The following PRRC2C variants were observed in gnomAD, a reference collection of about 807,000 sequenced individuals.
The protein encoded by PRRC2C is protein PRRC2C.
A neutral mutation model predicts 317.2 loss-of-function variants in PRRC2C; 72 were observed. That is an observed-to-expected ratio of 0.23 (90% CI 0.19 to 0.28). The LOEUF (loss-of-function observed/expected upper bound fraction) is 0.28. Among genes scored for constraint, PRRC2C ranks in the 10% least tolerant of loss-of-function variants. PRRC2C has a pLI of 1.00. For synonymous variants in PRRC2C, 1,296 were observed against 1,205.9 expected (o/e 1.07, Z -1.55); for missense variants, 3,074 against 3,459.7 (o/e 0.89, Z 2.80).
At position 171,584,515 on chromosome 1, in the gene PRRC2C, G is replaced by A. The variant is rs920221576; in HGVS notation, c.7738G>A (p.Ala2580Thr). The change falls in exon 30 of 35, where the codon GCT (alanine) becomes ACT (threonine). Residue 2580 changes from alanine to threonine, a missense_variant. Transcript: ENST00000647382. Reference protein sequence around the residue: ...NFYNTAQSPSALQQVTVPLPA... With the variant: ...NFYNTAQSPSTLQQVTVPLPA... The stretch of plus-strand genomic sequence containing the variant: ...TTATAACACTGCCCAGTCACCAAGT[G>A]CTCTCCAGCAGGTAAACTATGGCAT... 14 of 1,584,064 alleles carry A rather than the reference G, an allele frequency of 8.8e-6. No individual in the cohort carries two copies. The highest frequency in any genetic ancestry group is 4.1e-5 in the African/African-American group (3 of 73,870).
At position 171,541,673 on chromosome 1, in the gene PRRC2C, G is replaced by A; in HGVS notation, c.4207G>A (p.Ala1403Thr). 4 of 1,613,890 alleles carry A rather than the reference G, an allele frequency of 2.5e-6. No individual in the cohort carries two copies. The highest frequency in any genetic ancestry group is 3.4e-6 in the Non-Finnish European group (4 of 1,179,880). The change falls in exon 16 of 35, where the codon GCA (alanine) becomes ACA (threonine). Residue 1403 changes from alanine (A) to threonine (T), a missense_variant. Around this residue, in one of 11 missense-constraint regions of PRRC2C, gnomAD observed 1,320 missense variants for 1,395.7 expected, o/e 0.95. Coordinates refer to ENST00000647382, the MANE Select transcript of PRRC2C (RefSeq NM_001387844.1). The surrounding 1 kb of genome is among the most constrained non-coding windows in gnomAD (Gnocchi z 4.1). ...PRRHEQFIPI[A>T]ADKRPPKFER... ...AAGACATGAGCAGTTTATTCCTATA[G>A]CAGCAGATAAACGACCTCCAAAATT...
At chr1:171,571,491 G>A (rs1298388057) in intron 24 of PRRC2C, 70 bp downstream of exon 24, 7 of 1,170,972 alleles carry the variant, frequency 6.0e-6, no homozygotes, top group South Asian at 1.3e-5. Flanking sequence ...AACAATATTC[G>A]TGGGGTATTT....
At position 171,586,668 on chromosome 1, in the gene PRRC2C, C is replaced by A. The variant is rs572081970; in HGVS notation, c.7750-335C>A. ...GGATCTCGGCTCACTGCAACCTCCC[C>A]CTCCTGGGTCCAAGTGATTCTCATG... On this transcript the variant is annotated intron_variant, in intron 30 of 34. Transcript: ENST00000647382. Among the ~76,000 whole-genome samples the A allele has an allele frequency of 1.7e-4, 26 of 151,624 alleles. 1 individual carries two copies. The highest frequency in any genetic ancestry group is 1.6e-3 in the Admixed American group (24 of 15,218).
chr1:171,544,430 A>C (rs891956771), intron 16 of PRRC2C, among the ~76,000 whole-genome samples: 1 of 152,194 alleles, frequency 6.6e-6, no homozygotes, highest in Non-Finnish European at 1.5e-5. Flanking sequence ...GGCCCAACAC[A>C]TGAACTTTTG....
At chr1:171,527,375 C>T (rs1350334181) in intron 10 of PRRC2C, among the ~76,000 whole-genome samples, 4 of 151,426 alleles carry the variant, frequency 2.6e-5, no homozygotes, top group Admixed American at 6.6e-5. Context: ...TCAGGTGATC[C>T]GCCTGCCTCG....
chr1:171,532,360 A>G lies in PRRC2C; in HGVS notation c.1272A>G (p.Arg424=). 6.2e-7 allele frequency: 1 copy of G among 1,611,954 alleles called. No individual in the cohort carries two copies. The highest frequency in any genetic ancestry group is 8.5e-7 in the Non-Finnish European group (1 of 1,179,126). Reference sequence around the variant, plus strand: ...TGTTTCAGCATCCACCTCCAGATCGACAGGCAGTACCTGGAAGACCAGGCC... The same window carrying G: ...TGTTTCAGCATCCACCTCCAGATCGGCAGGCAGTACCTGGAAGACCAGGCC... ...LLAQQHPPPD[R]QAVPGRPGPF... The change falls in exon 12 of 35, where the codon CGA becomes CGG. Residue 424 remains arginine (R), a synonymous_variant. Transcript: ENST00000647382.
rs1286026759 is a variant in PRRC2C, at chr1:171,542,205, C to T, written c.4739C>T (p.Pro1580Leu). 3.2e-6 allele frequency: 5 copies of T among 1,566,074 alleles called. No homozygotes were observed. Among genetic ancestry groups the T allele is most frequent in the Admixed American group, 2.0e-5 (1 of 48,926 alleles). ...SGPRNERRSG[P>L]PSKSGKRGPF... ...CCTAGAAATGAAAGGAGAAGTGGCC[C>T]ACCATCAAAAAGTGGGAAGAGAGGG... Residue 1580 changes from proline (P) to leucine (L), a missense_variant, in exon 16 of 35, where the codon CCA becomes CTA. Physicochemically the swap from Pro to Leu is moderately conservative, Grantham distance 98 (BLOSUM62 -3). Transcript: ENST00000647382.
At chr1:171,522,104 T>TTA (rs977610717) in intron 6 of PRRC2C, 73 bp from the exon 7 acceptor site, 162 of 659,372 alleles carry the variant, frequency 2.5e-4, no homozygotes, top group African/African-American at 3.4e-4. Flanking sequence ...AGGCTCAGAT[T>TTA]TATATATATA....
chr1:171,538,509 C>T (rs1357194220), intron 15 of PRRC2C, among the ~76,000 whole-genome samples: 1 of 152,124 alleles, frequency 6.6e-6, no homozygotes, highest in Non-Finnish European at 1.5e-5. Context: ...TTGGAACTTC[C>T]TGCCCTTTTA....
intron 1 of PRRC2C, among the ~76,000 whole-genome samples, chr1:171,494,465 A>G (rs1428894066): frequency 2.0e-5 from 3 of 152,150 alleles, no homozygotes; most frequent in African/African-American, 7.2e-5. Flanking sequence ...TGGCAAATGT[A>G]CTCTTAAAAT....
chr1:171,518,682 T>TTTG (rs386368728), intron 6 of PRRC2C, among the ~76,000 whole-genome samples: 1 of 146,348 alleles, frequency 6.8e-6, no homozygotes, highest in Non-Finnish European at 1.5e-5. Context: ...TTTTTTTTTT[T>TTTG]GGTAGAGATG....
chr1:171,504,308 T>C (rs1669768425), intron 1 of PRRC2C, among the ~76,000 whole-genome samples: 1 of 152,232 alleles, frequency 6.6e-6, no homozygotes, highest in Non-Finnish European at 1.5e-5. Flanking sequence ...AATTTCATTT[T>C]TTATAGATTG....
intron 34 of PRRC2C, among the ~76,000 whole-genome samples, chr1:171,589,814 TTTTC>T (rs1159967317): frequency 5.9e-5 from 9 of 151,834 alleles, no homozygotes; most frequent in African/African-American, 2.2e-4. Flanking sequence ...TTCTTTTTCT[TTTTC>T]TTTTTTTTTG....
chr1:171,501,814 G>A (rs1264699139), intron 1 of PRRC2C, among the ~76,000 whole-genome samples: 1 of 152,174 alleles, frequency 6.6e-6, no homozygotes, highest in African/African-American at 2.4e-5. Flanking sequence ...CTGTTTCAAG[G>A]GTTTTGGGAT....
chr1:171,557,109 C>T, intron 18 of PRRC2C, 131 bp from the exon 19 acceptor site: 1 of 1,416,176 alleles, frequency 7.1e-7, no homozygotes. Flanking sequence ...GCAACCCTGA[C>T]ATTTTGTGGT....
chr1:171,508,610 A>G (rs1254786619), intron 1 of PRRC2C, among the ~76,000 whole-genome samples: 2 of 152,168 alleles, frequency 1.3e-5, no homozygotes, highest in African/African-American at 4.8e-5. Flanking sequence ...GTTAAATCGG[A>G]TGTTCTATAA....
intron 17 of PRRC2C, 94 bp from the exon 18 acceptor site, chr1:171,549,992 T>G: frequency 1.1e-6 from 1 of 907,136 alleles, no homozygotes; most frequent in East Asian, 3.2e-5. Context: ...TTGGCTAGTT[T>G]TTTTTTTTTT....
At chr1:171,486,302 C>G (rs1234684167) in intron 1 of PRRC2C, among the ~76,000 whole-genome samples, 1 of 151,930 alleles carries the variant, frequency 6.6e-6, no homozygotes, top group Non-Finnish European at 1.5e-5. Flanking sequence ...AACCCTACTT[C>G]CGCTAGGGAA....
chr1:171,500,223 G>T (rs1197785424), intron 1 of PRRC2C, among the ~76,000 whole-genome samples: 2 of 152,032 alleles, frequency 1.3e-5, no homozygotes, highest in Non-Finnish European at 2.9e-5. Flanking sequence ...AAGTATGGGG[G>T]TTATTTTTCC....
Sources: gnomAD v4.1 joint callset for allele counts (sites outside exome capture counted in the v4.1 genomes callset) on GRCh38, gnomAD v4.1.1 for gene constraint, gnomAD v4.1.1 regional missense constraint, Gnocchi (gnomAD v3.1) non-coding constraint, MANE v1.5 for transcripts, NCBI Gene and HGNC (gene_info 2026-07-23, HGNC 2026-07-21) for gene names.